RRM2: variants seen among roughly 807,000 people sequenced by gnomAD.
RRM2 encodes ribonucleotide reductase regulatory subunit M2.
A neutral mutation model predicts 45.9 loss-of-function variants in RRM2; 6 were observed. The observed-to-expected ratio is 0.13, with a 90% confidence interval of 0.07 to 0.26. The LOEUF (loss-of-function observed/expected upper bound fraction) is 0.26, where lower values mean the gene tolerates loss of function less well. Ranked by LOEUF, RRM2 falls within the 10% of genes least tolerant of loss-of-function variation. RRM2 has a pLI of 1.00. For synonymous variants in RRM2, 177 were observed against 173.0 expected, an observed-to-expected ratio of 1.02 and a Z score of -0.18; for missense variants, 343 against 489.5, an observed-to-expected ratio of 0.70 and a Z score of 2.82.
upstream of RRM2, among the ~76,000 whole-genome samples, chr2:10,139,722 C>G (rs1663046188): frequency 6.6e-6 from 1 of 152,202 alleles, no homozygotes; most frequent in Non-Finnish European, 1.5e-5. Context: ...TCCCAGGCCC[C>G]TTGGGAATTG....
At chr2:10,163,000 C>T (rs1266025812) in intron 3 of RRM2, among the ~76,000 whole-genome samples, 1 of 152,230 alleles carries the variant, frequency 6.6e-6, no homozygotes, top group Non-Finnish European at 1.5e-5. Flanking sequence ...CAGTGGGCCA[C>T]TCCTGCACGC....
At chr2:10,144,970 C>T (rs1663159051) in intron 3 of RRM2, among the ~76,000 whole-genome samples, 1 of 152,116 alleles carries the variant, frequency 6.6e-6, no homozygotes, top group African/African-American at 2.4e-5. Flanking sequence ...GGGCCGGGAG[C>T]CCCCAAGGCT....
At chr2:10,177,992 G>A (rs1308005445) in intron 3 of RRM2, among the ~76,000 whole-genome samples, 4 of 151,092 alleles carry the variant, frequency 2.6e-5, no homozygotes, top group Middle Eastern at 3.2e-3. Context: ...CGCGATCTCG[G>A]CTCACTGCAA....
rs1245562945 is a variant in RRM2, at chr2:10,126,931, G to A, written c.626G>A (p.Trp209Ter). The change falls in exon 6 of 10, where the codon TGG becomes TAG. Residue 209 changes from tryptophan to a stop codon, truncating the protein, a stop_gained. Transcript: ENST00000304567. LOFTEE classifies it high-confidence loss of function. The stretch of plus-strand genomic sequence containing the variant: ...CCTTGTGTCAAGAAGAAGGCAGACT[G>A]GGCCTTGCGCTGGATTGGGGACAAA... ...TMPCVKKKAD[W>*]ALRWIGDKEA... 6.2e-7 allele frequency: 1 copy of A among 1,614,174 alleles called. No individual in the cohort carries two copies. Among genetic ancestry groups the A allele is most frequent in the Non-Finnish European group, 8.5e-7 (1 of 1,180,026 alleles).
At chr2:10,126,684 G>T (rs1572488434) in intron 5 of RRM2, 191 bp from the exon 6 acceptor site, 3 of 596,266 alleles carry the variant, frequency 5.0e-6, no homozygotes, top group African/African-American at 1.8e-5. Context: ...AAGTGTTGAG[G>T]TTTTTAAAAG....
chr2:10,182,870 G>A (rs1015110031), intron 3 of RRM2, among the ~76,000 whole-genome samples: 5 of 152,070 alleles, frequency 3.3e-5, no homozygotes, highest in African/African-American at 7.2e-5. Context: ...CCACTCAAAC[G>A]CAGACTCTTT....
chr2:10,175,441 C>T (rs1663895373), intron 3 of RRM2, among the ~76,000 whole-genome samples: 1 of 152,160 alleles, frequency 6.6e-6, no homozygotes, highest in Non-Finnish European at 1.5e-5. Flanking sequence ...TAAATACATT[C>T]ATAATGTTGT....
intron 3 of RRM2, chr2:10,145,852 C>G (rs1427499727): frequency 6.6e-6 from 1 of 152,246 alleles, no homozygotes; most frequent in Non-Finnish European, 1.5e-5. Context: ...AATTACATCT[C>G]TGGGACAAAG....
At chr2:10,178,216 G>A (rs1172059470) in intron 3 of RRM2, among the ~76,000 whole-genome samples, 2 of 119,966 alleles carry the variant, frequency 1.7e-5, no homozygotes, top group Non-Finnish European at 3.4e-5. Flanking sequence ...GTGAGCCACC[G>A]TGCAGGCTTT....
In RRM2 at chr2:10,203,754, A is replaced by AAAATAAAT. The variant is rs1205474201; in HGVS notation, n.483-6555_483-6548dup. Among the ~76,000 whole-genome samples the AAAATAAAT allele has an allele frequency of 3.2e-5, 4 of 125,084 alleles. No individual in the cohort carries two copies. In the East Asian group the frequency reaches 6.4e-4, roughly 20 times the overall value. 82.1% of individuals were successfully genotyped at this position (125,084 alleles called of 152,430 possible). On this transcript the variant is annotated intron_variant and non_coding_transcript_variant, in intron 3 of 3. Transcript: ENST00000381786. Reference sequence around the variant, plus strand: ...TGACAGAGTGAGACTCTGTCTCACAAAAATAAATACATACATACATACATA... The same window carrying AAAATAAAT: ...TGACAGAGTGAGACTCTGTCTCACAAAAATAAATAAATAAATACATACATACATACATA...
chr2:10,123,652 T>C (rs1483337559), intron 3 of RRM2, 84 bp from the exon 4 acceptor site: 2 of 1,419,694 alleles, frequency 1.4e-6, no homozygotes, highest in African/African-American at 2.9e-5. Flanking sequence ...GGTGCCAGCA[T>C]ACTTAAAGTT....
chr2:10,152,628 G>T (rs11676022), intron 3 of RRM2, among the ~76,000 whole-genome samples: 6,987 of 151,776 alleles, frequency 0.046, 542 homozygotes, highest in African/African-American at 0.16. Context: ...GATTACAGGC[G>T]CCCGCAAGCA....
chr2:10,133,568 T>C (rs1041283529), downstream of RRM2, among the ~76,000 whole-genome samples: 1 of 152,218 alleles, frequency 6.6e-6, no homozygotes, highest in Admixed American at 6.5e-5. Flanking sequence ...GTGGCTGCAG[T>C]TGGACTGCGT....
At chr2:10,162,815 T>G (rs1663594096) in intron 3 of RRM2, among the ~76,000 whole-genome samples, 1 of 152,212 alleles carries the variant, frequency 6.6e-6, no homozygotes, top group Admixed American at 6.5e-5. Flanking sequence ...GCACTTGCTA[T>G]TCACATTGGG....
chr2:10,194,632 C>G (rs73169391), intron 3 of RRM2, among the ~76,000 whole-genome samples: 1 of 152,276 alleles, frequency 6.6e-6, no homozygotes, highest in East Asian at 1.9e-4. Context: ...CCTGGTGTCC[C>G]GTGCCCAGCA....
In RRM2 at chr2:10,130,555, A is replaced by G. The variant is rs1216202657; in HGVS notation, c.*1169A>G. ...CTAAATCTGAGCATTGTCTAGGGGGATCTTAAACTTTAGTAGGAAACCATG... is the reference window on the plus strand; with the variant it reads ...CTAAATCTGAGCATTGTCTAGGGGGGTCTTAAACTTTAGTAGGAAACCATG... On this transcript the variant is annotated 3_prime_UTR_variant, in exon 10 of 10. Coordinates refer to ENST00000304567, the MANE Select transcript of RRM2 (RefSeq NM_001034.4). The G allele has an allele frequency of 6.6e-6, 1 of 151,710 alleles. No individual in the cohort carries two copies. The highest frequency in any genetic ancestry group is 1.9e-4 in the East Asian group (1 of 5,186). The allele number at this position is 151,710 out of a possible 1,614,324, so 9.4% of individuals were successfully genotyped here.
At chr2:10,123,185 A>G in intron 2 of RRM2, 128 bp downstream of exon 2, 1 of 1,296,234 alleles carries the variant, frequency 7.7e-7, no homozygotes, top group Non-Finnish European at 1.0e-6. Flanking sequence ...GCCCCTCCCC[A>G]GGGCTGCCTC....
chr2:10,185,039 C>A lies in RRM2; in HGVS notation n.483-25272C>A, dbSNP rs1345208917. Among the ~76,000 whole-genome samples the A allele has an allele frequency of 1.3e-5, 2 of 152,162 alleles. No individual in the cohort carries two copies. The highest frequency in any genetic ancestry group is 2.9e-5 in the Non-Finnish European group (2 of 68,038). On this transcript the variant is annotated intron_variant and non_coding_transcript_variant, in intron 3 of 3. Coordinates refer to the RRM2 transcript ENST00000381786. The surrounding 1 kb of genome is among the most constrained non-coding windows in gnomAD (Gnocchi z 4.3). ...AACAAGTCATTCTATTTACTGGTTT[C>A]TTTGATCTATTTATAAAAATGAATA... is the stretch of plus-strand genomic sequence containing the variant.
chr2:10,131,866 A>C (rs1357515850), downstream of RRM2, among the ~76,000 whole-genome samples: 1 of 152,242 alleles, frequency 6.6e-6, no homozygotes, highest in African/African-American at 2.4e-5. Flanking sequence ...GGTGGTGCCC[A>C]AAAATACTAA....
Sources: allele counts gnomAD v4.1 joint callset (sites outside exome capture counted in the v4.1 genomes callset), GRCh38; gene constraint gnomAD v4.1.1; non-coding constraint Gnocchi (gnomAD v3.1); transcripts MANE v1.5; gene names NCBI Gene and HGNC (gene_info 2026-07-23, HGNC 2026-07-21).